The following PZP variants were observed in gnomAD, a reference collection of about 807,000 sequenced individuals.
PZP encodes pregnancy zone protein.
PZP carries 150 observed loss-of-function variants against 179.8 expected under a neutral mutation model. That is an observed-to-expected ratio of 0.83 (90% CI 0.73 to 0.96). The LOEUF is 0.96. PZP is among the 40% of genes least tolerant of loss of function. The pLI is 0.00. For synonymous variants in PZP, 624 were observed against 652.3 expected (o/e 0.96, Z 0.66); for missense variants, 1,689 against 1,764.0 (o/e 0.96, Z 0.76).
chr12:9,195,540 C>A (rs916444797), intron 10 of PZP, among the ~76,000 whole-genome samples: 1 of 151,548 alleles, frequency 6.6e-6, no homozygotes, highest in East Asian at 1.9e-4. Context: ...AAGTTCTGGG[C>A]TCGAGGGATC....
intron 15 of PZP, among the ~76,000 whole-genome samples, chr12:9,180,026 A>G (rs1942650585): frequency 6.6e-6 from 1 of 152,252 alleles, no homozygotes; most frequent in Non-Finnish European, 1.5e-5. Context: ...TGTTGGGCAG[A>G]TTAAGTGAGA....
chr12:9,203,984 A>G (rs771015624), intron 1 of PZP, 33 bp from the exon 2 acceptor site: 7 of 1,556,216 alleles, frequency 4.5e-6, no homozygotes, highest in Non-Finnish European at 6.1e-6. Context: ...TTAGAGAAAA[A>G]CTGATGATAG....
At chr12:9,161,614 A>G (rs1298882958) in intron 22 of PZP, among the ~76,000 whole-genome samples, 1 of 152,180 alleles carries the variant, frequency 6.6e-6, no homozygotes, top group African/African-American at 2.4e-5. Context: ...TATAACCATG[A>G]TAATACAAGT....
chr12:9,187,763 AAAGAAC>A lies in PZP; in HGVS notation c.1546+4424_1546+4429del, dbSNP rs1229651741. Among the ~76,000 whole-genome samples, 5 of 152,220 alleles carry A rather than the reference AAAGAAC, an allele frequency of 3.3e-5. No individual in the cohort carries two copies. The East Asian group carries it at 9.6e-4, about 29-fold the overall frequency. On this transcript the variant is annotated intron_variant, in intron 13 of 35. Coordinates refer to ENST00000261336, the MANE Select transcript of PZP (RefSeq NM_002864.3). Reference sequence around the variant, plus strand: ...TCAACTTAACCTCACATCACAACTGAAAGAACTAGTGGGTCAGCTGTGCTGTGCAGG... The same window carrying A: ...TCAACTTAACCTCACATCACAACTGATAGTGGGTCAGCTGTGCTGTGCAGG...
At chr12:9,196,054 G>A (rs1195986920) in intron 10 of PZP, among the ~76,000 whole-genome samples, 4 of 152,094 alleles carry the variant, frequency 2.6e-5, no homozygotes, top group Non-Finnish European at 4.4e-5. Flanking sequence ...TAAACTGCAT[G>A]AAAGAAGAGG....
At chr12:9,176,275 C>T (rs1413898009) in intron 15 of PZP, among the ~76,000 whole-genome samples, 1 of 152,020 alleles carries the variant, frequency 6.6e-6, no homozygotes, top group Non-Finnish European at 1.5e-5. Context: ...CATGGGGGAA[C>T]AACACTCACT....
At position 9,154,741 on chromosome 12, in the gene PZP, A is replaced by T; in HGVS notation, c.3649T>A (p.Tyr1217Asn). The T allele has an allele frequency of 1.2e-6, 2 of 1,614,158 alleles. No individual in the cohort carries two copies. The highest frequency in any genetic ancestry group is 1.7e-6 in the Non-Finnish European group (2 of 1,180,032). Reference sequence around the variant, plus strand: ...GCCGTGAGATAAGCGAGGAGCACATAGGATGTCATCTCCACCTCAGCAGAG... The same window carrying T: ...GCCGTGAGATAAGCGAGGAGCACATTGGATGTCATCTCCACCTCAGCAGAG... ...APSAEVEMTS[Y>N]VLLAYLTAQP... The change falls in exon 29 of 36, where the codon TAT (tyrosine) becomes AAT (asparagine). Residue 1217 changes from tyrosine (Y) to asparagine (N), a missense_variant. Coordinates refer to ENST00000261336, the MANE Select transcript of PZP (RefSeq NM_002864.3).
At position 9,180,997 on chromosome 12, in the gene PZP, G is replaced by T. The variant is rs1183789874; in HGVS notation, c.1825C>A (p.Leu609Ile). 6.2e-7 allele frequency: 1 copy of T among 1,613,748 alleles called. No homozygotes were observed. The highest frequency in any genetic ancestry group is 1.1e-5 in the South Asian group (1 of 90,984). The change falls in exon 15 of 36, where the codon CTC becomes ATC. Residue 609 changes from leucine (L) to isoleucine (I), a missense_variant. Physicochemically the swap from Leu to Ile is conservative, Grantham distance 5 (BLOSUM62 2). This residue lies in a region of PZP where 742 missense variants were observed against 730.5 expected (regional missense o/e 1.02). Coordinates refer to ENST00000261336, the MANE Select transcript of PZP (RefSeq NM_002864.3). ...SVLLMKPEAE[L>I]SVSSVYNLLT... ...TGGAAACTCACTGAGGACACAGAGA[G>T]CTCAGCCTCAGGCTTCATGAGCAGC...
chr12:9,159,976 G>T lies in PZP; in HGVS notation c.3099C>A (p.Thr1033=). 6.2e-7 allele frequency: 1 copy of T among 1,613,950 alleles called. No individual in the cohort carries two copies. The highest frequency in any genetic ancestry group is 1.1e-5 in the South Asian group (1 of 91,078). ...NYKHQDGSYS[T]FGERYGRNQG... Reference sequence around the variant, plus strand: ...GGTTCCTGCCATATCGTTCCCCAAAGGTGCTGTAGGAGCCATCTTGGTGTT... The same window carrying T: ...GGTTCCTGCCATATCGTTCCCCAAATGTGCTGTAGGAGCCATCTTGGTGTT... The change falls in exon 25 of 36, where the codon ACC becomes ACA. Residue 1033 remains threonine, a synonymous_variant. Transcript: ENST00000261336.
intron 17 of PZP, chr12:9,167,399 G>T (rs1324595096): frequency 1.3e-5 from 2 of 152,116 alleles, no homozygotes; most frequent in South Asian, 4.1e-4. Flanking sequence ...TCAGACCCAA[G>T]ACCCTGGTGG....
chr12:9,158,297 G>C (rs1356552265), intron 26 of PZP, 123 bp downstream of exon 26: 10 of 1,373,778 alleles, frequency 7.3e-6, no homozygotes, highest in Non-Finnish European at 1.0e-5. Flanking sequence ...CTCTTTCCCT[G>C]ATGCCATCCC....
At position 9,182,132 on chromosome 12, in the gene PZP, G is replaced by GAGTCAGACAAAATGGTCATA; in HGVS notation, c.1547-16_1547-15insTATGACCATTTTGTCTGACT. ...ACTGCCTTTCACTGGAACATGGAGA[G>GAGTCAGACAAAATGGTCATA]AGTGAGACAAAATGGTCATAAGTGA... On this transcript the variant is annotated splice_polypyrimidine_tract_variant and intron_variant, in intron 13 of 35. Coordinates refer to ENST00000261336, the MANE Select transcript of PZP (RefSeq NM_002864.3). 6.4e-7 allele frequency: 1 copy of GAGTCAGACAAAATGGTCATA among 1,554,332 alleles called. No homozygotes were observed. Among genetic ancestry groups the GAGTCAGACAAAATGGTCATA allele is most frequent in the Non-Finnish European group, 8.7e-7 (1 of 1,146,646 alleles).
chr12:9,205,993 T>G (rs1039586924), intron 1 of PZP, among the ~76,000 whole-genome samples: 2 of 152,186 alleles, frequency 1.3e-5, no homozygotes, highest in Non-Finnish European at 2.9e-5. Context: ...CACTCTGAAA[T>G]CATCCAAGTT....
chr12:9,138,055 T>C, the PZP span, among the ~76,000 whole-genome samples: 4 of 152,038 alleles, frequency 2.6e-5, no homozygotes, highest in Non-Finnish European at 4.4e-5. Flanking sequence ...TGGTTCTATA[T>C]TGAATAAAAG....
At position 9,200,964 on chromosome 12, in the gene PZP, C is replaced by T. The variant is rs1228450397; in HGVS notation, c.598G>A (p.Gly200Ser). The change falls in exon 6 of 36, where the codon GGC becomes AGC. Residue 200 changes from glycine (G) to serine (S), a missense_variant. Around this residue, in one of 3 missense-constraint regions of PZP, gnomAD observed 742 missense variants for 730.5 expected, o/e 1.02. Transcript: ENST00000261336. ...SFPLSSEPIQ[G>S]SYRVVVQTES... Reference sequence around the variant, plus strand: ...GTCTGTACCACCACCCTGTAGGAGCCCTGAATGGGCTCTGATGAGAGGGGA... The same window carrying T: ...GTCTGTACCACCACCCTGTAGGAGCTCTGAATGGGCTCTGATGAGAGGGGA... The T allele has an allele frequency of 6.2e-7, 1 of 1,614,006 alleles. No individual in the cohort carries two copies. Among genetic ancestry groups the T allele is most frequent in the East Asian group, 2.2e-5 (1 of 44,892 alleles).
chr12:9,196,398 T>A lies in PZP; in HGVS notation c.1024A>T (p.Ile342Phe). 1 of 1,613,864 alleles carries A rather than the reference T, an allele frequency of 6.2e-7. No homozygotes were observed. Among genetic ancestry groups the A allele is most frequent in the Non-Finnish European group, 8.5e-7 (1 of 1,179,764 alleles). The change falls in exon 10 of 36, where the codon ATT becomes TTT. Residue 342 changes from isoleucine (I) to phenylalanine (F), a missense_variant. Physicochemically the swap from Ile to Phe is conservative, Grantham distance 21. Coordinates refer to ENST00000261336, the MANE Select transcript of PZP (RefSeq NM_002864.3). ...TTCACGAATTTGAGTTTGGATACAA[T>A]GTTTGTGATTTCACTGATCCTGTTT... ...TANRISEITN[I>F]VSKLKFVKVD... is the part of the protein sequence containing the mutation.
chr12:9,199,888 A>T (rs1328409508), intron 7 of PZP, among the ~76,000 whole-genome samples: 2 of 152,170 alleles, frequency 1.3e-5, no homozygotes, highest in African/African-American at 4.8e-5. Flanking sequence ...GAAAAAGAAA[A>T]GGTACTTAGG....
chr12:9,203,287 T>G (rs1944268754), intron 2 of PZP, among the ~76,000 whole-genome samples: 1 of 151,682 alleles, frequency 6.6e-6, no homozygotes, highest in African/African-American at 2.4e-5. Context: ...TGTTCCTTAA[T>G]AGTTGAAAAC....
intron 21 of PZP, among the ~76,000 whole-genome samples, chr12:9,163,187 C>T (rs1053565311): frequency 1.3e-4 from 19 of 151,196 alleles, no homozygotes; most frequent in Admixed American, 9.9e-4. Flanking sequence ...CAAGAAATTG[C>T]GCTCAATGTA....
Sources: gnomAD v4.1 joint callset for allele counts (sites outside exome capture counted in the v4.1 genomes callset) on GRCh38, gnomAD v4.1.1 for gene constraint, gnomAD v4.1.1 regional missense constraint, MANE v1.5 for transcripts, NCBI Gene and HGNC (gene_info 2026-07-23, HGNC 2026-07-21) for gene names.